Variants in RREB1 observed in about 807,000 individuals in gnomAD.
RREB1 encodes ras-responsive element-binding protein 1.
In RREB1, 27 loss-of-function variants were observed where a neutral mutation model predicts 117.8. The ratio of observed to expected loss-of-function variants is 0.23; its 90% CI spans 0.17 to 0.32. The LOEUF is 0.32. Ranked by LOEUF, RREB1 falls within the 10% of genes least tolerant of loss-of-function variation. The pLI is 1.00. For synonymous variants in RREB1, 1,298 were observed against 1,026.7 expected, an observed-to-expected ratio of 1.26 and a Z score of -5.05; for missense variants, 2,577 against 2,378.2, an observed-to-expected ratio of 1.08 and a Z score of -1.74.
intron 1 of RREB1, among the ~76,000 whole-genome samples, chr6:7,173,126 A>G (rs964402413): frequency 2.0e-5 from 3 of 152,120 alleles, no homozygotes; most frequent in Non-Finnish European, 4.4e-5. Flanking sequence ...CACTGTGCCC[A>G]TCCTGGTCAA....
chr6:7,152,173 G>A (rs1309542113), intron 1 of RREB1, among the ~76,000 whole-genome samples: 2 of 152,164 alleles, frequency 1.3e-5, no homozygotes, highest in African/African-American at 4.8e-5. Context: ...AGTCCACTTG[G>A]TATCTAATTG....
Position 7,230,872 on chromosome 6 carries a change from C to G in RREB1, c.2773C>G (p.Leu925Val). 2 of 1,614,226 alleles carry G rather than the reference C, an allele frequency of 1.2e-6. No individual in the cohort carries two copies. Among genetic ancestry groups the G allele is most frequent in the Non-Finnish European group, 1.7e-6 (2 of 1,180,044 alleles). Residue 925 changes from leucine (L) to valine (V), a missense_variant, in exon 10 of 13, where the codon CTG becomes GTG. Physicochemically the swap from Leu to Val is conservative, Grantham distance 32. Transcript: ENST00000379938. ...ENISFLSPSS[L>V]VPYDCSMEPI... ...CATCTCCTTTCTGAGCCCTTCTTCC[C>G]TGGTCCCCTATGACTGCTCCATGGA...
At chr6:7,246,378 CCTG>C in intron 11 of RREB1, 43 bp from the exon 12 acceptor site, 1 of 1,422,498 alleles carries the variant, frequency 7.0e-7, no homozygotes, top group Non-Finnish European at 9.2e-7. Context: ...CATGGGCGTA[CCTG>C]GTGGTGCCCC....
chr6:7,147,898 C>A (rs1172490112), intron 1 of RREB1, among the ~76,000 whole-genome samples: 1 of 151,964 alleles, frequency 6.6e-6, no homozygotes, highest in Non-Finnish European at 1.5e-5. Context: ...TGTATTCATT[C>A]CAAACTATTA....
intron 1 of RREB1, among the ~76,000 whole-genome samples, chr6:7,171,462 A>G (rs1357334082): frequency 6.6e-6 from 1 of 152,234 alleles, no homozygotes; most frequent in Non-Finnish European, 1.5e-5. Context: ...GCCATGGGCC[A>G]GGAGTCGCAC....
Position 7,229,265 on chromosome 6 carries a change from A to G in RREB1, c.1166A>G (p.Gln389Arg). 1 of 1,613,998 alleles carries G rather than the reference A, an allele frequency of 6.2e-7. No individual in the cohort carries two copies. Among genetic ancestry groups the G allele is most frequent in the Non-Finnish European group, 8.5e-7 (1 of 1,179,968 alleles). Reference protein sequence around the residue: ...PAEEPLPDDNQAIQLQTLKCQ... With the variant: ...PAEEPLPDDNRAIQLQTLKCQ... ...GAGGAGCCCCTGCCGGATGACAACC[A>G]GGCAATTCAGCTCCAGACACTCAAG... Residue 389 changes from glutamine to arginine, a missense_variant, in exon 10 of 13, where the codon CAG becomes CGG. Gln to Arg is a conservative substitution (Grantham distance 43, BLOSUM62 1). Coordinates refer to ENST00000379938, the MANE Select transcript of RREB1 (RefSeq NM_001003699.4). The surrounding 1 kb of genome is among the most constrained non-coding windows in gnomAD (Gnocchi z 4.5).
chr6:7,230,022 G>T lies in RREB1; in HGVS notation c.1923G>T (p.Val641=), dbSNP rs747378199. ...AGAAGACGCCCGCCATGCGCAAGGTGCTCTACCCCTGCCGCTTCTGCAACC... is the reference window on the plus strand; with the variant it reads ...AGAAGACGCCCGCCATGCGCAAGGTTCTCTACCCCTGCCGCTTCTGCAACC... ...GGKKTPAMRK[V]LYPCRFCNQV... The change falls in exon 10 of 13, where the codon GTG becomes GTT. Residue 641 remains valine (V), a synonymous_variant. Coordinates refer to ENST00000379938, the MANE Select transcript of RREB1 (RefSeq NM_001003699.4). The T allele has an allele frequency of 2.5e-6, 4 of 1,611,232 alleles. No individual in the cohort carries two copies. Among genetic ancestry groups the T allele is most frequent in the Middle Eastern group, 1.7e-4 (1 of 6,052 alleles).
chr6:7,203,236 G>A (rs986603987), intron 6 of RREB1, among the ~76,000 whole-genome samples: 1 of 152,186 alleles, frequency 6.6e-6, no homozygotes, highest in Non-Finnish European at 1.5e-5. Context: ...AGTTTTCTAA[G>A]TAGACAGTCA....
At chr6:7,173,674 C>T (rs751890902) in intron 1 of RREB1, among the ~76,000 whole-genome samples, 1 of 151,786 alleles carries the variant, frequency 6.6e-6, no homozygotes, top group African/African-American at 2.4e-5. Context: ...TAAAGTTAGC[C>T]GGGTGTGGTG....
chr6:7,154,534 CAT>C (rs760266243), intron 1 of RREB1, among the ~76,000 whole-genome samples: 12 of 152,210 alleles, frequency 7.9e-5, no homozygotes, highest in East Asian at 1.9e-4. Context: ...GGGATGGTAT[CAT>C]GTGTGCCAGA....
Position 7,229,783 on chromosome 6 carries a change from C to G in RREB1, c.1684C>G (p.Leu562Val). Residue 562 changes from leucine (L) to valine (V), a missense_variant, in exon 10 of 13, where the codon CTG becomes GTG. Coordinates refer to ENST00000379938, the MANE Select transcript of RREB1 (RefSeq NM_001003699.4). This position sits in a 1 kb window ranked among gnomAD's most constrained non-coding sequence, Gnocchi z 4.5. ...AGTGGAGGCGGCCTCCAACGCCCAC[C>G]TGCTGCAGTCCAAGTCCGGGACCCA... ...GSVEAASNAH[L>V]LQSKSGTQPH... The G allele has an allele frequency of 6.2e-7, 1 of 1,607,960 alleles. No individual in the cohort carries two copies. Among genetic ancestry groups the G allele is most frequent in the Non-Finnish European group, 8.5e-7 (1 of 1,176,380 alleles).
chr6:7,181,837 C>A, intron 3 of RREB1, 33 bp from the exon 4 acceptor site: 2 of 1,507,074 alleles, frequency 1.3e-6, no homozygotes, highest in South Asian at 2.3e-5. Context: ...CCTAAACTTC[C>A]CCATGATCAC....
chr6:7,156,834 G>A (rs79476795), intron 1 of RREB1, among the ~76,000 whole-genome samples: 4,899 of 152,272 alleles, frequency 0.032, 214 homozygotes, highest in African/African-American at 0.095. Context: ...TGCTGTGTAC[G>A]TACCCTGAGT....
At chr6:7,192,216 A>G (rs1411626316) in intron 6 of RREB1, among the ~76,000 whole-genome samples, 1 of 135,910 alleles carries the variant, frequency 7.4e-6, no homozygotes, top group Non-Finnish European at 1.5e-5. Context: ...TTTTTGAGAT[A>G]GAGTCTCATT....
At chr6:7,235,302 T>C (rs1157931673) in intron 10 of RREB1, among the ~76,000 whole-genome samples, 1 of 152,146 alleles carries the variant, frequency 6.6e-6, no homozygotes, top group Non-Finnish European at 1.5e-5. Flanking sequence ...ACCTGATCTT[T>C]CTCCTGGTAG....
intron 6 of RREB1, among the ~76,000 whole-genome samples, chr6:7,200,209 T>C (rs1254461128): frequency 6.6e-6 from 1 of 151,700 alleles, no homozygotes; most frequent in Non-Finnish European, 1.5e-5. Context: ...TATATGTATG[T>C]ATGTGTGTGT....
rs908465091 is a variant in RREB1, at chr6:7,240,561, C to T, written c.3932C>T (p.Pro1311Leu). Residue 1311 changes from proline (P) to leucine (L), a missense_variant, in exon 11 of 13, where the codon CCC becomes CTC. Transcript: ENST00000379938. ...TCCCTGAGAAGAAACGGGCTTATCC[C>T]CCAGTCAAAAGAGAGTGATGTTGGA... ...TCSLRRNGLI[P>L]QSKESDVGSH... The T allele has an allele frequency of 1.2e-6, 2 of 1,613,666 alleles. No individual in the cohort carries two copies. The highest frequency in any genetic ancestry group is 1.7e-6 in the Non-Finnish European group (2 of 1,179,860).
intron 6 of RREB1, 62 bp from the exon 7 acceptor site, chr6:7,210,741 TA>T: frequency 5.4e-6 from 8 of 1,481,372 alleles, no homozygotes; most frequent in Non-Finnish European, 7.3e-6. Flanking sequence ...TATAAAATAT[TA>T]AAAACATAAA....
intron 1 of RREB1, among the ~76,000 whole-genome samples, chr6:7,154,616 TTGTCTC>T (rs1338534248): frequency 6.6e-6 from 1 of 152,204 alleles, no homozygotes; most frequent in Non-Finnish European, 1.5e-5. Context: ...AGTATTATTA[TTGTCTC>T]CATCTCACAG....
Sources: allele counts gnomAD v4.1 joint callset (sites outside exome capture counted in the v4.1 genomes callset), GRCh38; gene constraint gnomAD v4.1.1; non-coding constraint Gnocchi (gnomAD v3.1); transcripts MANE v1.5; gene names NCBI Gene and HGNC (gene_info 2026-07-23, HGNC 2026-07-21).